DUXA: variants seen among roughly 807,000 people sequenced by gnomAD.
DUXA encodes double homeobox protein A.
A neutral mutation model predicts 27.5 loss-of-function variants in DUXA; 25 were observed. The observed-to-expected ratio is 0.91, with a 90% CI of 0.66 to 1.27. DUXA has a LOEUF of 1.27. Ranked by LOEUF, DUXA falls within the 50% of genes most tolerant of loss-of-function variation. DUXA has a pLI of 0.00. For synonymous variants in DUXA, 90 were observed against 80.5 expected, an observed-to-expected ratio of 1.12 and a Z score of -0.63; for missense variants, 247 against 242.9, an observed-to-expected ratio of 1.02 and a Z score of -0.11.
At chr19:57,165,767 T>C (rs1012904727) in intron 1 of DUXA, among the ~76,000 whole-genome samples, 1 of 131,378 alleles carries the variant, frequency 7.6e-6, no homozygotes, top group Admixed American at 8.9e-5. Flanking sequence ...ATCGCGCCAC[T>C]GCACTCCAGC....
At chr19:57,158,519 G>T in intron 3 of DUXA, 46 bp from the exon 4 acceptor site, 1 of 1,602,396 alleles carries the variant, frequency 6.2e-7, no homozygotes, top group Non-Finnish European at 8.5e-7. Flanking sequence ...AAGGAATATT[G>T]CAAGGGTCCA....
Position 57,159,377 on chromosome 19 carries a change from C to T in DUXA, c.181-99G>A, listed in dbSNP as rs967241512. ...TGAGCAATTCTTATTGGGCCTAGGC[C>T]CAGGATTATTACTTACTTCTGTCAC... On this transcript the variant is annotated intron_variant, in intron 2 of 5. Coordinates refer to ENST00000554048, the MANE Select transcript of DUXA (RefSeq NM_001012729.2). 6.9e-5 allele frequency: 73 copies of T among 1,063,750 alleles called. No individual in the cohort carries two copies. In the African/African-American group the frequency reaches 1.1e-3, roughly 16 times the overall value. 65.9% of individuals were successfully genotyped at this position (1,063,750 alleles called of 1,614,324 possible). A position where few individuals can be genotyped will look rare whatever the true frequency, so the allele number is the denominator to read the frequency against.
intron 1 of DUXA, among the ~76,000 whole-genome samples, chr19:57,164,934 A>G (rs1049188890): frequency 1.3e-5 from 2 of 152,194 alleles, no homozygotes; most frequent in African/African-American, 4.8e-5. Context: ...CACAGTAACT[A>G]CCAGTACAAT....
intron 1 of DUXA, among the ~76,000 whole-genome samples, chr19:57,166,153 G>A (rs1483004625): frequency 1.3e-5 from 2 of 152,070 alleles, no homozygotes; most frequent in East Asian, 1.9e-4. Context: ...TTTGACATAA[G>A]GCAAGGAGGC....
At chr19:57,161,627 A>C (rs1568464449) in intron 1 of DUXA, among the ~76,000 whole-genome samples, 2 of 151,900 alleles carry the variant, frequency 1.3e-5, no homozygotes, top group Non-Finnish European at 1.5e-5. Context: ...CGTCTCAAAA[A>C]AAAAACAAAA....
chr19:57,162,335 A>C (rs2087028473), intron 1 of DUXA, among the ~76,000 whole-genome samples: 2 of 152,338 alleles, frequency 1.3e-5, no homozygotes, highest in South Asian at 4.1e-4. Flanking sequence ...ATTTTCCAAT[A>C]GGAAAAAAAA....
chr19:57,167,472 A>G lies in DUXA; in HGVS notation c.-29T>C. Reference sequence around the variant, plus strand: ...GGAAGAGAGTCCTGAAGGCTGAGCCACTGTCTGGGAGACAAGTCACTCTGC... The same window carrying G: ...GGAAGAGAGTCCTGAAGGCTGAGCCGCTGTCTGGGAGACAAGTCACTCTGC... On this transcript the variant is annotated 5_prime_UTR_variant, in exon 1 of 6. Coordinates refer to ENST00000554048, the MANE Select transcript of DUXA (RefSeq NM_001012729.2). 1 of 1,611,850 alleles carries G rather than the reference A, an allele frequency of 6.2e-7. No individual in the cohort carries two copies. The highest frequency in any genetic ancestry group is 1.1e-5 in the South Asian group (1 of 90,588).
chr19:57,155,646 A>AAGATAGATAGATATAGAT (rs2086989354), intron 4 of DUXA, among the ~76,000 whole-genome samples: 1 of 144,012 alleles, frequency 6.9e-6, no homozygotes, highest in African/African-American at 2.6e-5. Context: ...TGCCCAACCC[A>AAGATAGATAGATATAGAT]AGATAGATAG....
chr19:57,155,466 G>A, intron 4 of DUXA, 94 bp from the exon 5 acceptor site: 4 of 1,010,858 alleles, frequency 4.0e-6, no homozygotes, highest in Non-Finnish European at 4.4e-6. Flanking sequence ...TGTTTTTTGA[G>A]ACAGCGGTCT....
chr19:57,160,871 C>T, intron 1 of DUXA, 74 bp from the exon 2 acceptor site: 1 of 1,520,716 alleles, frequency 6.6e-7, no homozygotes, highest in Non-Finnish European at 8.9e-7. Context: ...TCAAGCTAGT[C>T]TCTCACTTCC....
chr19:57,160,012 G>A (rs1193214502), intron 2 of DUXA, among the ~76,000 whole-genome samples: 1 of 152,136 alleles, frequency 6.6e-6, no homozygotes, highest in Non-Finnish European at 1.5e-5. Flanking sequence ...GGCTGAGGCA[G>A]AAGAATCACT....
chr19:57,158,334 T>G lies in DUXA; in HGVS notation c.432A>C (p.Arg144Ser), dbSNP rs1308187877. The G allele has an allele frequency of 6.2e-7, 1 of 1,611,898 alleles. No homozygotes were observed. The highest frequency in any genetic ancestry group is 8.5e-7 in the Non-Finnish European group (1 of 1,179,842). The change falls in exon 4 of 6, where the codon AGA (arginine) becomes AGC (serine). Residue 144 changes from arginine to serine, a missense_variant. By Grantham distance (110) the Arg-to-Ser change is moderately radical. Transcript: ENST00000554048. The part of the protein sequence containing the change: ...LAKEIGVPES[R>S]VQIWFQNRRS... ...CCACCTTCTTATCACTCACTTGGAC[T>G]CTTGACTCTGGAACACCGATTTCTT...
At position 57,160,707 on chromosome 19, in the gene DUXA, T is replaced by C; in HGVS notation, c.116A>G (p.Tyr39Cys). The change falls in exon 2 of 6, where the codon TAC (tyrosine) becomes TGC (cysteine). Residue 39 changes from tyrosine to cysteine, a missense_variant. Physicochemically the swap from Tyr to Cys is radical, Grantham distance 194. Coordinates refer to ENST00000554048, the MANE Select transcript of DUXA (RefSeq NM_001012729.2). ...ILINTFNQKP[Y>C]PGYATKQKLA... ...TTTTTGTTTGGTAGCATAACCTGGG[T>C]AAGGCTTTTGATTGAAGGTATTGAT... 3 of 1,614,102 alleles carry C rather than the reference T, an allele frequency of 1.9e-6. No individual in the cohort carries two copies. Among genetic ancestry groups the C allele is most frequent in the African/African-American group, 1.3e-5 (1 of 75,068 alleles).
In DUXA at chr19:57,165,343, ATG is replaced by A. The variant is rs1413032439; in HGVS notation, c.25+2074_25+2075del. ...AAAAAAAATATATATATATATATAT[ATG>A]TATATATATATATTCATTCTTTTGA... On this transcript the variant is annotated intron_variant, in intron 1 of 5. Transcript: ENST00000554048. 4.8e-4 allele frequency among the ~76,000 whole-genome samples: 67 copies of A among 140,632 alleles called. No homozygotes were observed. In the South Asian group the frequency reaches 5.6e-3, roughly 12 times the overall value. 92.3% of individuals were successfully genotyped at this position (140,632 alleles called of 152,430 possible).
At position 57,165,621 on chromosome 19, in the gene DUXA, C is replaced by T. The variant is rs541045391; in HGVS notation, c.25+1798G>A. ...GAGATCGAGACCATCCTGGCTAACA[C>T]AGTGAAACCCCGTCTCTACTAAAAA... On this transcript the variant is annotated intron_variant, in intron 1 of 5. Transcript: ENST00000554048. Among the ~76,000 whole-genome samples, 39 of 151,476 alleles carry T rather than the reference C, an allele frequency of 2.6e-4. No individual in the cohort carries two copies. The South Asian group carries it at 2.9e-3, about 11-fold the overall frequency.
intron 1 of DUXA, among the ~76,000 whole-genome samples, chr19:57,161,742 A>T (rs2087025108): frequency 6.6e-6 from 1 of 152,218 alleles, no homozygotes; most frequent in Non-Finnish European, 1.5e-5. Flanking sequence ...ATTAGAAACA[A>T]TCTAAGTCAA....
intron 1 of DUXA, among the ~76,000 whole-genome samples, chr19:57,161,622 C>CAA (rs546124208): frequency 1.5e-4 from 19 of 126,472 alleles, no homozygotes; most frequent in South Asian, 1.2e-3. Context: ...GACTCCGTCT[C>CAA]AAAAAAAAAA....
chr19:57,159,386 TTAC>T, intron 2 of DUXA, 108 bp from the exon 3 acceptor site: 1 of 961,190 alleles, frequency 1.0e-6, no homozygotes, highest in Non-Finnish European at 1.5e-6. Flanking sequence ...CCCAGGATTA[TTAC>T]TTACTTCTGT....
At chr19:57,155,559 C>G (rs989623994) in intron 4 of DUXA, among the ~76,000 whole-genome samples, 187 bp from the exon 5 acceptor site, 1 of 151,846 alleles carries the variant, frequency 6.6e-6, no homozygotes, top group East Asian at 1.9e-4. Flanking sequence ...GGTTTCACCA[C>G]GTGGCCCAGG....
Sources: gnomAD v4.1 joint callset for allele counts (sites outside exome capture counted in the v4.1 genomes callset) on GRCh38, gnomAD v4.1.1 for gene constraint, MANE v1.5 for transcripts, NCBI Gene and HGNC (gene_info 2026-07-23, HGNC 2026-07-21) for gene names.